LTA4H: variants seen among roughly 807,000 people sequenced by gnomAD.
The protein encoded by LTA4H is leukotriene A-4 hydrolase.
LTA4H carries 59 observed loss-of-function variants against 89.8 expected under a neutral mutation model. That is an observed-to-expected ratio of 0.66 (90% CI 0.53 to 0.82). The LOEUF (loss-of-function observed/expected upper bound fraction) is 0.82, where lower values mean the gene tolerates loss of function less well. Among genes scored for constraint, LTA4H ranks in the 40% least tolerant of loss-of-function variants. LTA4H has a pLI of 0.00. For missense variants in LTA4H, 617 were observed against 727.0 expected, an observed-to-expected ratio of 0.85 and a Z score of 1.74; for synonymous variants, 227 against 253.1, an observed-to-expected ratio of 0.90 and a Z score of 0.98.
At chr12:96,003,744 C>A in intron 17 of LTA4H, 94 bp downstream of exon 17, 1 of 715,970 alleles carries the variant, frequency 1.4e-6, no homozygotes, top group Non-Finnish European at 2.3e-6. Flanking sequence ...TCTCAAGACT[C>A]AAGTATGTCT....
rs1950204309 is a variant in LTA4H at position 96,006,412 on chromosome 12, G to A, written c.1435-3C>T. On this transcript the variant is annotated splice_region_variant and splice_polypyrimidine_tract_variant and intron_variant, in intron 15 of 18. Transcript: ENST00000228740. Reference sequence around the variant, plus strand: ...GAATTTAAATCATCTTCTTTGGCCTGAAATAAATGTTACCTAGTTATTTTT... The same window carrying A: ...GAATTTAAATCATCTTCTTTGGCCTAAAATAAATGTTACCTAGTTATTTTT... 2.6e-6 allele frequency: 4 copies of A among 1,561,594 alleles called. No homozygotes were observed. Among genetic ancestry groups the A allele is most frequent in the South Asian group, 2.3e-5 (2 of 87,894 alleles).
At chr12:96,013,657 C>T in intron 13 of LTA4H, 93 bp downstream of exon 13, 1 of 699,914 alleles carries the variant, frequency 1.4e-6, no homozygotes, top group Non-Finnish European at 2.5e-6. Flanking sequence ...AGTTCTGAAC[C>T]AATACTACTA....
At chr12:96,034,984 G>A (rs747669341) in intron 1 of LTA4H, among the ~76,000 whole-genome samples, 12 of 152,350 alleles carry the variant, frequency 7.9e-5, no homozygotes, top group South Asian at 2.1e-4. Context: ...ATTAGAGCCA[G>A]GAACTAAAAT....
chr12:96,024,386 G>T, intron 4 of LTA4H, 93 bp downstream of exon 4: 1 of 705,832 alleles, frequency 1.4e-6, no homozygotes, highest in Non-Finnish European at 2.4e-6. Context: ...AATAATTCTA[G>T]CTCTAGGAAT....
chr12:96,032,512 T>C (rs1950586692), intron 1 of LTA4H, among the ~76,000 whole-genome samples: 1 of 152,330 alleles, frequency 6.6e-6, no homozygotes, highest in South Asian at 2.1e-4. Context: ...CAAAGAGTTA[T>C]GAAACACAGT....
At chr12:96,035,666 T>G (rs1390279379), upstream of LTA4H, 1 of 1,426,700 alleles carries the variant, frequency 7.0e-7, no homozygotes, top group Non-Finnish European at 9.2e-7. Flanking sequence ...TTTCTTAAAG[T>G]CAGACGAGCG....
At chr12:96,013,281 G>GT in intron 13 of LTA4H, 23 bp from the exon 14 acceptor site, 1 of 1,548,494 alleles carries the variant, frequency 6.5e-7, no homozygotes, top group East Asian at 2.2e-5. Flanking sequence ...AGAATTCACA[G>GT]TTTACAATAG....
At chr12:96,004,533 C>T (rs1395917446) in intron 16 of LTA4H, among the ~76,000 whole-genome samples, 1 of 152,166 alleles carries the variant, frequency 6.6e-6, no homozygotes, top group Non-Finnish European at 1.5e-5. Flanking sequence ...TACCTTAACT[C>T]ACCCTAAAAG....
At position 96,017,210 on chromosome 12, in the gene LTA4H, A is replaced by C. The variant is rs886650904; in HGVS notation, c.877-96T>G. 3 of 885,820 alleles carry C rather than the reference A, an allele frequency of 3.4e-6. No homozygotes were observed. In the African/African-American group the frequency reaches 5.1e-5, roughly 15 times the overall value. 54.9% of individuals were successfully genotyped at this position (885,820 alleles called of 1,614,324 possible). On this transcript the variant is annotated intron_variant, in intron 9 of 18. Transcript: ENST00000228740. ...ACTCCATGTTATTCAATTTTTAAAA[A>C]ATATTAGCTGAGATATTCAGGGAGT...
chr12:96,042,200 G>C (rs1950693099), intron 1 of LTA4H, among the ~76,000 whole-genome samples: 1 of 151,710 alleles, frequency 6.6e-6, no homozygotes, highest in Non-Finnish European at 1.5e-5. Flanking sequence ...ACAGGGTTTT[G>C]CCATGTTGCC....
Position 96,015,060 on chromosome 12 carries a change from A to G in LTA4H, c.1060-61T>C, listed in dbSNP as rs1341669462. ...AAAGACTGCTATCACCACGCAAATA[A>G]GCTAATAAGGAGGTATTACTTCACT... On this transcript the variant is annotated intron_variant, in intron 11 of 18. Coordinates refer to ENST00000228740, the MANE Select transcript of LTA4H (RefSeq NM_000895.3). 5 of 1,508,114 alleles carry G rather than the reference A, an allele frequency of 3.3e-6. No homozygotes were observed. In the Admixed American group the frequency reaches 9.4e-5, roughly 28 times the overall value. The allele number at this position is 1,508,114 out of a possible 1,614,324, so 93.4% of individuals were successfully genotyped here. A position where few individuals can be genotyped will look rare whatever the true frequency, so the allele number is the denominator to read the frequency against.
At chr12:96,025,648 T>C (rs1188873163) in intron 3 of LTA4H, among the ~76,000 whole-genome samples, 2 of 151,820 alleles carry the variant, frequency 1.3e-5, no homozygotes, top group African/African-American at 4.8e-5. Context: ...CTGGGCAACA[T>C]AGTGAGACCT....
chr12:96,005,641 A>C lies in LTA4H; in HGVS notation c.1530+673T>G, dbSNP rs1264547847. 2.0e-5 allele frequency among the ~76,000 whole-genome samples: 3 copies of C among 152,270 alleles called. No individual in the cohort carries two copies. The East Asian group carries it at 5.8e-4, about 29-fold the overall frequency. On this transcript the variant is annotated intron_variant, in intron 16 of 18. Transcript: ENST00000228740. ...CTGCTAGCCCTGGGGGTGCAAAGCA[A>C]GTCTCCTCCAAAATTCCCTCTCTGA... is the stretch of plus-strand genomic sequence containing the variant.
rs923004651 is a variant in LTA4H at position 96,035,279 on chromosome 12, G to C, written c.159+82C>G. 2.1e-6 allele frequency: 3 copies of C among 1,420,974 alleles called. No individual in the cohort carries two copies. In the South Asian group the frequency reaches 4.1e-5, roughly 19 times the overall value. The allele number at this position is 1,420,974 out of a possible 1,614,324, so 88.0% of individuals were successfully genotyped here. ...GCAGGGGCCGCGGCGGGGTGAGCCG[G>C]AGATCCGGGAGCCCGCAAGGACTAG... is the stretch of plus-strand genomic sequence containing the variant. On this transcript the variant is annotated intron_variant, in intron 1 of 18. Coordinates refer to ENST00000228740, the MANE Select transcript of LTA4H (RefSeq NM_000895.3).
At position 96,031,423 on chromosome 12, in the gene LTA4H, G is replaced by A. The variant is rs192542076; in HGVS notation, c.160-2238C>T. On this transcript the variant is annotated intron_variant, in intron 1 of 18. Transcript: ENST00000228740. ...TTAAAATTCCCCTTCAAATTTCAGC[G>A]ATGTTATTTTTAAAAAATAGTCAAA... 2.2e-4 allele frequency among the ~76,000 whole-genome samples: 33 copies of A among 152,202 alleles called. 1 individual carries two copies. The East Asian group carries it at 4.4e-3, about 20-fold the overall frequency.
At chr12:96,019,409 TATATGCAGCAATAG>T (rs1950424584) in intron 6 of LTA4H, among the ~76,000 whole-genome samples, 169 bp from the exon 7 acceptor site, 1 of 152,126 alleles carries the variant, frequency 6.6e-6, no homozygotes, top group Non-Finnish European at 1.5e-5. Context: ...CCTGCTGTTG[TATATGCAGCAATAG>T]ATATGCAGCT....
At chr12:96,019,138 A>G (rs747488510) in intron 7 of LTA4H, 30 bp downstream of exon 7, 46 of 1,580,004 alleles carry the variant, frequency 2.9e-5, no homozygotes, top group South Asian at 1.2e-4. Flanking sequence ...GTCTATCACA[A>G]TGATTACAAA....
At chr12:96,024,589 C>T (rs768900994) in intron 3 of LTA4H, 42 bp from the exon 4 acceptor site, 26 of 1,220,132 alleles carry the variant, frequency 2.1e-5, no homozygotes, top group African/African-American at 3.0e-5. Context: ...ATTTATCTTT[C>T]GCATAAGTCA....
chr12:96,018,332 C>T (rs1950406117), intron 8 of LTA4H, among the ~76,000 whole-genome samples: 1 of 152,112 alleles, frequency 6.6e-6, no homozygotes, highest in African/African-American at 2.4e-5. Context: ...AGGTGGATCA[C>T]GAGGTCAGAG....
Sources: allele counts gnomAD v4.1 joint callset (sites outside exome capture counted in the v4.1 genomes callset), GRCh38; gene constraint gnomAD v4.1.1; transcripts MANE v1.5; gene names NCBI Gene and HGNC (gene_info 2026-07-23, HGNC 2026-07-21).